The following ADAMTS6 variants were observed in gnomAD, a reference collection of about 807,000 sequenced individuals.
ADAMTS6 encodes A disintegrin and metalloproteinase with thrombospondin motifs 6.
A neutral mutation model predicts 144.3 loss-of-function variants in ADAMTS6; 23 were observed. The observed-to-expected ratio is 0.16, with a 90% confidence interval of 0.11 to 0.23. ADAMTS6 has a LOEUF of 0.23. Ranked by LOEUF, ADAMTS6 falls within the 10% of genes least tolerant of loss-of-function variation. The pLI is 1.00. For missense variants in ADAMTS6, 999 were observed against 1,379.6 expected, an observed-to-expected ratio of 0.72 and a Z score of 4.37; for synonymous variants, 444 against 457.5, an observed-to-expected ratio of 0.97 and a Z score of 0.38.
At chr5:65,438,023 C>T (rs1430367324) in intron 7 of ADAMTS6, among the ~76,000 whole-genome samples, 4 of 152,158 alleles carry the variant, frequency 2.6e-5, no homozygotes, top group Non-Finnish European at 4.4e-5. Context: ...AGAATATTTA[C>T]TCAATTTTCA....
intron 7 of ADAMTS6, among the ~76,000 whole-genome samples, chr5:65,356,774 C>T (rs1407914138): frequency 1.3e-5 from 2 of 151,804 alleles, no homozygotes; most frequent in East Asian, 3.8e-4. Flanking sequence ...ATTTTAAGTT[C>T]CAACTAAATA....
chr5:65,376,849 C>T (rs1219634581), intron 7 of ADAMTS6, among the ~76,000 whole-genome samples: 3 of 150,586 alleles, frequency 2.0e-5, no homozygotes, highest in African/African-American at 7.3e-5. Flanking sequence ...AATTAAAAAG[C>T]TAAAAAAAAA....
chr5:65,303,480 A>G (rs2112812360), intron 9 of ADAMTS6, among the ~76,000 whole-genome samples: 1 of 152,190 alleles, frequency 6.6e-6, no homozygotes, highest in East Asian at 1.9e-4. Flanking sequence ...TAATATGTAT[A>G]TATTCTTCCA....
chr5:65,316,317 A>C lies in ADAMTS6; in HGVS notation c.1223+13061T>G, dbSNP rs183757453. On this transcript the variant is annotated intron_variant, in intron 9 of 24. Coordinates refer to ENST00000381055, the MANE Select transcript of ADAMTS6 (RefSeq NM_197941.4). ...TTGACCTGAACAGCACCATCAATTAACTTAATCCAAATGACATTTATAGAA... is the reference window on the plus strand; with the variant it reads ...TTGACCTGAACAGCACCATCAATTACCTTAATCCAAATGACATTTATAGAA... Among the ~76,000 whole-genome samples, 359 of 152,332 alleles carry C rather than the reference A, an allele frequency of 2.4e-3. 1 individual carries two copies. The highest frequency in any genetic ancestry group is 8.3e-3 in the African/African-American group (344 of 41,582).
chr5:65,231,103 A>T lies in ADAMTS6; in HGVS notation c.1934-4884T>A, dbSNP rs546097302. Reference sequence around the variant, plus strand: ...TGAAAAACAAAATGAATTTTTTTTAAAAAAAAACAAGACAACTCTATATTG... The same window carrying T: ...TGAAAAACAAAATGAATTTTTTTTATAAAAAAACAAGACAACTCTATATTG... On this transcript the variant is annotated intron_variant, in intron 15 of 24. Coordinates refer to ENST00000381055, the MANE Select transcript of ADAMTS6 (RefSeq NM_197941.4). 1.1e-3 allele frequency among the ~76,000 whole-genome samples: 161 copies of T among 151,276 alleles called. 1 individual carries two copies. In the South Asian group the frequency reaches 0.011, roughly 11 times the overall value.
chr5:65,332,289 A>G (rs1409776018), intron 8 of ADAMTS6, among the ~76,000 whole-genome samples: 2 of 65,764 alleles, frequency 3.0e-5, no homozygotes, highest in Admixed American at 1.5e-4. Context: ...CAGTGAGGGT[A>G]TATATATATA....
intron 7 of ADAMTS6, among the ~76,000 whole-genome samples, chr5:65,377,851 A>G (rs1751698187): frequency 6.6e-6 from 1 of 152,218 alleles, no homozygotes; most frequent in South Asian, 2.1e-4. Context: ...TGAAGGTATC[A>G]GCAGGGCCAT....
chr5:65,231,623 TA>T (rs1758257322), intron 15 of ADAMTS6, among the ~76,000 whole-genome samples: 1 of 152,164 alleles, frequency 6.6e-6, no homozygotes, highest in African/African-American at 2.4e-5. Context: ...ACATACATGT[TA>T]GGCCACAAAA....
intron 7 of ADAMTS6, among the ~76,000 whole-genome samples, chr5:65,396,693 C>T (rs1753366628): frequency 6.6e-6 from 1 of 152,212 alleles, no homozygotes; most frequent in Admixed American, 6.5e-5. Flanking sequence ...ATGGCTAGGA[C>T]ATGGTCATGA....
At chr5:65,338,624 C>T (rs1747532910) in intron 7 of ADAMTS6, among the ~76,000 whole-genome samples, 1 of 152,110 alleles carries the variant, frequency 6.6e-6, no homozygotes, top group African/African-American at 2.4e-5. Flanking sequence ...CCATGGGCTG[C>T]CCCTGAAAGA....
intron 20 of ADAMTS6, chr5:65,198,474 A>C (rs986240294): frequency 5.4e-5 from 9 of 167,054 alleles, no homozygotes; most frequent in African/African-American, 2.2e-4. Flanking sequence ...AAGTTCCCCT[A>C]AATCATAGAA....
chr5:65,245,675 T>C (rs1345155020), intron 14 of ADAMTS6, among the ~76,000 whole-genome samples: 1 of 152,100 alleles, frequency 6.6e-6, no homozygotes, highest in Non-Finnish European at 1.5e-5. Flanking sequence ...CCACATAATA[T>C]TTTTTCGCTT....
chr5:65,329,774 A>AGAGG (rs542683347), intron 8 of ADAMTS6, among the ~76,000 whole-genome samples: 188 of 152,262 alleles, frequency 1.2e-3, no homozygotes, highest in African/African-American at 4.5e-3. Flanking sequence ...TTGAGCCAGA[A>AGAGG]GAGGGAATTC....
In ADAMTS6 at chr5:65,197,140, G is replaced by C. The variant is rs554806130; in HGVS notation, c.2587C>G (p.Gln863Glu). 4 of 1,613,552 alleles carry C rather than the reference G, an allele frequency of 2.5e-6. No homozygotes were observed. In the Admixed American group the frequency reaches 6.7e-5, roughly 27 times the overall value. ...SATCAGGVQRQEVVCKRLDDN... is the reference protein window; with the variant it reads ...SATCAGGVQREEVVCKRLDDN... Reference sequence around the variant, plus strand: ...TCCAACCTTTTACAGACCACCTCCTGTCTTTGGACACCTTGAGAAAAGGAG... The same window carrying C: ...TCCAACCTTTTACAGACCACCTCCTCTCTTTGGACACCTTGAGAAAAGGAG... Residue 863 changes from glutamine to glutamate, a missense_variant, in exon 21 of 25, where the codon CAG becomes GAG. Coordinates refer to ENST00000381055, the MANE Select transcript of ADAMTS6 (RefSeq NM_197941.4).
chr5:65,370,723 T>G (rs1187031153), intron 7 of ADAMTS6, among the ~76,000 whole-genome samples: 1 of 152,196 alleles, frequency 6.6e-6, no homozygotes, highest in Admixed American at 6.5e-5. Flanking sequence ...TGCCCAGGCT[T>G]GCTTAGGTAA....
chr5:65,468,586 A>C lies in ADAMTS6; in HGVS notation c.462+2192T>G, dbSNP rs144565090. ...TAACTTCAGTGGACAAACCTGGCAG[A>C]TCACACCTTAATCAAATAATCAAAC... On this transcript the variant is annotated intron_variant, in intron 3 of 24. Coordinates refer to ENST00000381055, the MANE Select transcript of ADAMTS6 (RefSeq NM_197941.4). Among the ~76,000 whole-genome samples, 25 of 152,354 alleles carry C rather than the reference A, an allele frequency of 1.6e-4. No homozygotes were observed. In the East Asian group the frequency reaches 4.6e-3, roughly 28 times the overall value.
Position 65,351,108 on chromosome 5 carries a change from T to C in ADAMTS6, c.1074-17023A>G, listed in dbSNP as rs113755745. ...TACTTTAGTCTAACACTAATCTCTT[T>C]TATGATATAAAGCTTTGATGGCGCC... On this transcript the variant is annotated intron_variant, in intron 7 of 24. Coordinates refer to ENST00000381055, the MANE Select transcript of ADAMTS6 (RefSeq NM_197941.4). Among the ~76,000 whole-genome samples, 371 of 152,330 alleles carry C rather than the reference T, an allele frequency of 2.4e-3. 1 individual carries two copies. Among genetic ancestry groups the C allele is most frequent in the African/African-American group, 8.6e-3 (356 of 41,580 alleles).
At chr5:65,215,719 A>T (rs1472208353) in intron 18 of ADAMTS6, among the ~76,000 whole-genome samples, 1 of 152,204 alleles carries the variant, frequency 6.6e-6, no homozygotes, top group Non-Finnish European at 1.5e-5. Flanking sequence ...GTTAACCTGG[A>T]GGAATAAACA....
At chr5:65,380,004 C>T (rs772975007) in intron 7 of ADAMTS6, among the ~76,000 whole-genome samples, 1 of 151,956 alleles carries the variant, frequency 6.6e-6, no homozygotes, top group Non-Finnish European at 1.5e-5. Flanking sequence ...TGACTCATGA[C>T]GACTGATTAT....
Sources: gnomAD v4.1 joint callset for allele counts (sites outside exome capture counted in the v4.1 genomes callset) on GRCh38, gnomAD v4.1.1 for gene constraint, MANE v1.5 for transcripts, NCBI Gene and HGNC (gene_info 2026-07-23, HGNC 2026-07-21) for gene names.